Variants in LRP1B observed in about 807,000 individuals in gnomAD.
The protein encoded by LRP1B is LDL receptor related protein 1B.
A neutral mutation model predicts 556.6 loss-of-function variants in LRP1B; 217 were observed. The ratio of observed to expected loss-of-function variants is 0.39; its 90% CI spans 0.35 to 0.44. LRP1B has a LOEUF of 0.44. Ranked by LOEUF, LRP1B falls within the 20% of genes least tolerant of loss-of-function variation. LRP1B has a pLI of 1.00. For synonymous variants in LRP1B, 2,047 were observed against 1,865.8 expected (o/e 1.10, Z -2.50); for missense variants, 5,053 against 5,620.8 (o/e 0.90, Z 3.23).
chr2:141,419,306 A>T (rs1022654408), intron 3 of LRP1B, among the ~76,000 whole-genome samples: 4 of 152,170 alleles, frequency 2.6e-5, no homozygotes, highest in Admixed American at 1.3e-4. Context: ...CTGGCCTCAT[A>T]AAATGAGTTT....
At chr2:141,615,802 T>C (rs754052649) in intron 2 of LRP1B, among the ~76,000 whole-genome samples, 9 of 152,170 alleles carry the variant, frequency 5.9e-5, no homozygotes, top group Non-Finnish European at 1.0e-4. Flanking sequence ...GGTTCTCAAG[T>C]AAGGTCTTAG....
chr2:140,933,689 C>T (rs925199181), intron 20 of LRP1B, among the ~76,000 whole-genome samples: 4 of 151,948 alleles, frequency 2.6e-5, no homozygotes, highest in African/African-American at 9.7e-5. Flanking sequence ...TAAATTTATC[C>T]AGAAATACAG....
chr2:140,322,240 A>G (rs1680181145), intron 81 of LRP1B, 152 bp from the exon 82 acceptor site: 2 of 706,452 alleles, frequency 2.8e-6, no homozygotes. Context: ...ACTCAATATC[A>G]TCATTCTCCT....
intron 2 of LRP1B, among the ~76,000 whole-genome samples, chr2:141,749,342 C>A (rs139173133): frequency 6.6e-6 from 1 of 152,172 alleles, no homozygotes; most frequent in Non-Finnish European, 1.5e-5. Context: ...TTGACGTAAT[C>A]AGATTAATTT....
chr2:140,745,175 C>A (rs1400331895), intron 35 of LRP1B, among the ~76,000 whole-genome samples: 1 of 152,048 alleles, frequency 6.6e-6, no homozygotes, highest in Non-Finnish European at 1.5e-5. Context: ...TAAGAAATTT[C>A]AGGCTTAGTT....
At chr2:141,548,929 CT>C (rs2105226154) in intron 2 of LRP1B, among the ~76,000 whole-genome samples, 1 of 151,588 alleles carries the variant, frequency 6.6e-6, no homozygotes, top group South Asian at 2.1e-4. Flanking sequence ...TATCTGGTGT[CT>C]TTTTAAACGT....
intron 1 of LRP1B, among the ~76,000 whole-genome samples, chr2:141,900,394 T>A (rs933747853): frequency 2.6e-5 from 4 of 152,156 alleles, no homozygotes; most frequent in Admixed American, 2.6e-4. Context: ...TACCTATGTA[T>A]GTCAATGTAT....
chr2:141,197,180 T>C (rs1483314733), intron 6 of LRP1B, among the ~76,000 whole-genome samples: 1 of 152,084 alleles, frequency 6.6e-6, no homozygotes, highest in Admixed American at 6.6e-5. Flanking sequence ...CAGACTATAG[T>C]AGTGGATAAG....
intron 2 of LRP1B, among the ~76,000 whole-genome samples, chr2:141,508,855 A>G (rs1019708477): frequency 1.3e-5 from 2 of 152,068 alleles, no homozygotes; most frequent in African/African-American, 4.8e-5. Flanking sequence ...TGTATTTCTC[A>G]TAGTCAATGG....
intron 84 of LRP1B, among the ~76,000 whole-genome samples, chr2:140,292,458 C>T (rs1294021214): frequency 6.6e-6 from 1 of 152,062 alleles, no homozygotes; most frequent in Non-Finnish European, 1.5e-5. Context: ...GCATATGCTG[C>T]TCCCCCTTGC....
At chr2:140,999,649 A>G (rs960657542) in intron 15 of LRP1B, among the ~76,000 whole-genome samples, 9 of 152,070 alleles carry the variant, frequency 5.9e-5, no homozygotes, top group East Asian at 1.9e-4. Context: ...TTAAGCATCA[A>G]TCTGAATCAT....
chr2:140,406,276 C>T (rs1487939605), intron 66 of LRP1B, among the ~76,000 whole-genome samples: 1 of 152,044 alleles, frequency 6.6e-6, no homozygotes, highest in Non-Finnish European at 1.5e-5. Context: ...CCCCTGAGAA[C>T]TGGAACAAGA....
intron 32 of LRP1B, among the ~76,000 whole-genome samples, chr2:140,788,715 G>A (rs919185525): frequency 6.6e-6 from 1 of 152,194 alleles, no homozygotes; most frequent in South Asian, 2.1e-4. Flanking sequence ...TCTAAAGAGG[G>A]TTAGTTTAGG....
At chr2:141,544,338 T>TTCC (rs1559131178) in intron 2 of LRP1B, among the ~76,000 whole-genome samples, 2 of 66,750 alleles carry the variant, frequency 3.0e-5, no homozygotes, top group African/African-American at 1.2e-4. Flanking sequence ...CTTCTTCTTC[T>TTCC]TCTTCTTCTT....
At chr2:141,083,611 G>A (rs1315692493) in intron 7 of LRP1B, among the ~76,000 whole-genome samples, 3 of 152,078 alleles carry the variant, frequency 2.0e-5, no homozygotes, top group African/African-American at 7.2e-5. Flanking sequence ...GAGGTGATTG[G>A]GTCATAAGAG....
intron 41 of LRP1B, among the ~76,000 whole-genome samples, chr2:140,679,864 C>T (rs1016388675): frequency 5.9e-5 from 9 of 151,978 alleles, no homozygotes; most frequent in African/African-American, 1.7e-4. Context: ...GCTCTGAATA[C>T]GACCCAACAC....
At chr2:140,996,708 T>C (rs1326667106) in intron 15 of LRP1B, among the ~76,000 whole-genome samples, 1 of 151,988 alleles carries the variant, frequency 6.6e-6, no homozygotes, top group Non-Finnish European at 1.5e-5. Context: ...TTCAACTGGC[T>C]AAGCAGCTAA....
In LRP1B at chr2:141,206,586, CA is replaced by C. The variant is rs11385393; in HGVS notation, c.851-18004del. ...TGGGCGACAGAGCAAGACTCCGTCT[CA>C]AAAAAAAAATAAAGAATCGCCACTA... On this transcript the variant is annotated intron_variant, in intron 6 of 90. Coordinates refer to ENST00000389484, the MANE Select transcript of LRP1B (RefSeq NM_018557.3). 3.2e-3 allele frequency among the ~76,000 whole-genome samples: 471 copies of C among 147,726 alleles called. 3 individuals carry two copies. The highest frequency in any genetic ancestry group is 0.011 in the African/African-American group (448 of 40,120).
At chr2:140,644,667 C>A (rs1398888005) in intron 41 of LRP1B, among the ~76,000 whole-genome samples, 4 of 152,056 alleles carry the variant, frequency 2.6e-5, no homozygotes, top group African/African-American at 9.7e-5. Context: ...CCCACTTCAG[C>A]CTCCCAAAAA....
Sources: gnomAD v4.1 joint callset for allele counts (sites outside exome capture counted in the v4.1 genomes callset) on GRCh38, gnomAD v4.1.1 for gene constraint, MANE v1.5 for transcripts, NCBI Gene and HGNC (gene_info 2026-07-23, HGNC 2026-07-21) for gene names.